The following TAP2 variants were observed in gnomAD, a reference collection of about 807,000 sequenced individuals.
TAP2 encodes antigen peptide transporter 2.
TAP2 carries 49 observed loss-of-function variants against 74.7 expected under a neutral mutation model. The observed-to-expected ratio is 0.66, with a 90% CI of 0.52 to 0.83. TAP2 has a LOEUF of 0.83. Ranked by LOEUF, TAP2 falls within the 40% of genes least tolerant of loss-of-function variation. TAP2 has a pLI of 0.00. For missense variants in TAP2, 739 were observed against 859.0 expected, an observed-to-expected ratio of 0.86 and a Z score of 1.75; for synonymous variants, 306 against 368.4, an observed-to-expected ratio of 0.83 and a Z score of 1.94.
chr6:32,824,898 C>T (rs1013405455), downstream of TAP2, among the ~76,000 whole-genome samples: 5 of 151,846 alleles, frequency 3.3e-5, no homozygotes, highest in African/African-American at 7.3e-5. Flanking sequence ...TGATTTTTAT[C>T]GTTACAGTCA....
At chr6:32,836,251 C>G (rs1347470592) in intron 3 of TAP2, among the ~76,000 whole-genome samples, 3 of 152,154 alleles carry the variant, frequency 2.0e-5, no homozygotes, top group African/African-American at 7.2e-5. Flanking sequence ...ATTCCCTGCC[C>G]CCACAATTCT....
In TAP2 at chr6:32,826,832, G is replaced by A; in HGVS notation, c.*2074C>T. 1 of 985,436 alleles carries A rather than the reference G, an allele frequency of 1.0e-6. No individual in the cohort carries two copies. Among genetic ancestry groups the A allele is most frequent in the Non-Finnish European group, 1.2e-6 (1 of 829,932 alleles). The allele number at this position is 985,436 out of a possible 1,614,324, so 61.0% of individuals were successfully genotyped here. On this transcript the variant is annotated 3_prime_UTR_variant, in exon 12 of 12. Coordinates refer to ENST00000374897, the MANE Select transcript of TAP2 (RefSeq NM_001290043.2). ...GTATAACTGTACTGAGGAAATCAAA[G>A]AATTTCTCAGATCATCTTCTTCTGT... is the stretch of plus-strand genomic sequence containing the variant.
Position 32,828,683 on chromosome 6 carries a change from C to CACACT in TAP2, c.*222_*223insAGTGT. ...TTTCCTGGACACAGACAGCCCCCAC[C>CACACT]CCACCCCACCCCACCTCTCTACCCC... is the stretch of plus-strand genomic sequence containing the variant. On this transcript the variant is annotated 3_prime_UTR_variant, in exon 12 of 12. Transcript: ENST00000374897. The CACACT allele has an allele frequency of 2.0e-6, 2 of 991,906 alleles. No homozygotes were observed. Among genetic ancestry groups the CACACT allele is most frequent in the Non-Finnish European group, 2.4e-6 (2 of 823,830 alleles). The allele number at this position is 991,906 out of a possible 1,614,324, so 61.4% of individuals were successfully genotyped here. A position where few individuals can be genotyped will look rare whatever the true frequency, so the allele number is the denominator to read the frequency against.
chr6:32,823,215 C>T (rs1342098500), downstream of TAP2, among the ~76,000 whole-genome samples: 1 of 152,100 alleles, frequency 6.6e-6, no homozygotes, highest in Non-Finnish European at 1.5e-5. Context: ...TCACCAGGCC[C>T]AGCCTATTTT....
At chr6:32,829,608 A>G in intron 10 of TAP2, 72 bp from the exon 11 acceptor site, 3 of 1,604,862 alleles carry the variant, frequency 1.9e-6, no homozygotes, top group Non-Finnish European at 2.6e-6. Flanking sequence ...GGACAAGTGC[A>G]CAGCAGGTAC....
intron 3 of TAP2, among the ~76,000 whole-genome samples, chr6:32,837,092 T>G (rs1769465624): frequency 6.6e-6 from 1 of 152,126 alleles, no homozygotes; most frequent in Non-Finnish European, 1.5e-5. Flanking sequence ...CAGAGTAAGA[T>G]CTTCAGGGAC....
rs112198951 is a variant in TAP2 at position 32,829,399 on chromosome 6, C to T, written c.1932+1G>A. Reference sequence around the variant, plus strand: ...GTCCCCTGCCCTCTCACGGTACTCACGGCCTGCTCGCACTGCACATCTAGG... The same window carrying T: ...GTCCCCTGCCCTCTCACGGTACTCATGGCCTGCTCGCACTGCACATCTAGG... On this transcript the variant is annotated splice_donor_variant, in intron 11 of 11. Transcript: ENST00000374897. LOFTEE classifies it high-confidence loss of function. 10 of 1,593,398 alleles carry T rather than the reference C, an allele frequency of 6.3e-6. No homozygotes were observed. Among genetic ancestry groups the T allele is most frequent in the East Asian group, 4.5e-5 (2 of 44,252 alleles).
chr6:32,824,071 C>A (rs114577774), downstream of TAP2, among the ~76,000 whole-genome samples: 4,244 of 152,200 alleles, frequency 0.028, 92 homozygotes, highest in African/African-American at 0.05. Context: ...ATGTTACAGA[C>A]AAGAACATCA....
chr6:32,823,774 A>T (rs989205105), downstream of TAP2, among the ~76,000 whole-genome samples: 2 of 150,446 alleles, frequency 1.3e-5, no homozygotes, highest in South Asian at 2.1e-4. Flanking sequence ...GAGTATTTTT[A>T]AAAATCTTTC....
chr6:32,824,455 T>C (rs770149876), downstream of TAP2, among the ~76,000 whole-genome samples: 4 of 152,142 alleles, frequency 2.6e-5, no homozygotes, highest in Non-Finnish European at 5.9e-5. Flanking sequence ...TATAACTGGA[T>C]TTTGCGATAT....
At chr6:32,823,514 T>G (rs56105263), downstream of TAP2, among the ~76,000 whole-genome samples, 1 of 150,836 alleles carries the variant, frequency 6.6e-6, no homozygotes, top group Non-Finnish European at 1.5e-5. Context: ...TGCTTCCCTT[T>G]TGTTTGCCTT....
Position 32,829,970 on chromosome 6 carries a change from T to TGCGTGGGCA in TAP2, c.1746_1754dup (p.Ala583_Ala585dup), listed in dbSNP as rs1562325678. 1 of 1,613,012 alleles carries TGCGTGGGCA rather than the reference T, an allele frequency of 6.2e-7. No individual in the cohort carries two copies. ...GCTCCATTTCCTGGATGAAGTCATC[T>TGCGTGGGCA]GCGTGGGCAGCCTGGGCAGCCGCCA... On this transcript the variant is annotated inframe_insertion, in exon 10 of 12. Transcript: ENST00000374897.
At chr6:32,829,277 G>A in intron 11 of TAP2, 123 bp downstream of exon 11, 2 of 1,487,528 alleles carry the variant, frequency 1.3e-6, no homozygotes, top group East Asian at 5.0e-5. Flanking sequence ...CCAACCCCAA[G>A]AAGGCACAGA....
chr6:32,826,550 C>G lies in TAP2; in HGVS notation c.*2356G>C. On this transcript the variant is annotated 3_prime_UTR_variant, in exon 12 of 12. Transcript: ENST00000374897. ...CTTACAGGAATTTGTCTGTCTAGCC[C>G]GAATATTTTGACTTTCAGGGAGCAT... The G allele has an allele frequency of 1.0e-6, 1 of 985,284 alleles. No homozygotes were observed. Among genetic ancestry groups the G allele is most frequent in the Non-Finnish European group, 1.2e-6 (1 of 829,898 alleles). The allele number at this position is 985,284 out of a possible 1,614,324, so 61.0% of individuals were successfully genotyped here. A position where few individuals can be genotyped will look rare whatever the true frequency, so the allele number is the denominator to read the frequency against.
intron 11 of TAP2, 50 bp from the exon 12 acceptor site, chr6:32,829,084 C>T: frequency 6.8e-7 from 1 of 1,480,488 alleles, no homozygotes; most frequent in Non-Finnish European, 9.1e-7. Flanking sequence ...AGATGGACAC[C>T]ACATCCACCT....
In TAP2 at chr6:32,828,783, G is replaced by A; in HGVS notation, c.*123C>T. On this transcript the variant is annotated 3_prime_UTR_variant, in exon 12 of 12. Coordinates refer to ENST00000374897, the MANE Select transcript of TAP2 (RefSeq NM_001290043.2). ...CAGCTATCTGGCCGCACAGCTCTAGGGAAACTCAAAGCAGGAACAGCTCTG... is the reference window on the plus strand; with the variant it reads ...CAGCTATCTGGCCGCACAGCTCTAGAGAAACTCAAAGCAGGAACAGCTCTG... 1 of 1,345,880 alleles carries A rather than the reference G, an allele frequency of 7.4e-7. No homozygotes were observed. The highest frequency in any genetic ancestry group is 1.5e-5 in the African/African-American group (1 of 67,914). The allele number at this position is 1,345,880 out of a possible 1,614,324, so 83.4% of individuals were successfully genotyped here.
intron 7 of TAP2, among the ~76,000 whole-genome samples, chr6:32,831,523 G>A (rs1179436397): frequency 1.3e-5 from 2 of 152,214 alleles, no homozygotes; most frequent in East Asian, 3.9e-4. Flanking sequence ...CACCTAAAAA[G>A]TACTGTTGCT....
chr6:32,829,811 G>T, intron 10 of TAP2, 119 bp downstream of exon 10: 1 of 1,367,206 alleles, frequency 7.3e-7, no homozygotes, highest in Non-Finnish European at 1.0e-6. Flanking sequence ...CGTAGGAATG[G>T]AGGAAAGGGC....
chr6:32,835,833 A>T lies in TAP2; in HGVS notation c.609-60T>A, dbSNP rs1250086406. The T allele has an allele frequency of 6.2e-7, 1 of 1,611,432 alleles. No homozygotes were observed. The highest frequency in any genetic ancestry group is 8.5e-7 in the Non-Finnish European group (1 of 1,178,758). On this transcript the variant is annotated intron_variant, in intron 3 of 11. Coordinates refer to ENST00000374897, the MANE Select transcript of TAP2 (RefSeq NM_001290043.2). The surrounding 1 kb of genome is among the most constrained non-coding windows in gnomAD (Gnocchi z 4.0). The stretch of plus-strand genomic sequence containing the variant: ...CAGAGAAGGAGCAAGCCAGCGGGTG[A>T]AACAGAGGAGCAAGCCAGGAGTGCA...
Sources: allele counts gnomAD v4.1 joint callset (sites outside exome capture counted in the v4.1 genomes callset), GRCh38; gene constraint gnomAD v4.1.1; non-coding constraint Gnocchi (gnomAD v3.1); transcripts MANE v1.5; gene names NCBI Gene and HGNC (gene_info 2026-07-23, HGNC 2026-07-21).